PKD2L1: variants seen among roughly 807,000 people sequenced by gnomAD.
The protein encoded by PKD2L1 is polycystin 2 like 1, transient receptor potential cation channel.
In PKD2L1, 77 loss-of-function variants were observed where a neutral mutation model predicts 93.0. The observed-to-expected ratio is 0.83, with a 90% confidence interval of 0.69 to 1.00. The LOEUF (loss-of-function observed/expected upper bound fraction) is 1.00. PKD2L1 is among the 50% of genes least tolerant of loss of function. PKD2L1 has a pLI of 0.00. For synonymous variants in PKD2L1, 390 were observed against 388.0 expected, an observed-to-expected ratio of 1.01 and a Z score of -0.06; for missense variants, 977 against 990.9, an observed-to-expected ratio of 0.99 and a Z score of 0.19.
chr10:100,322,836 C>T (rs968159386), intron 2 of PKD2L1, among the ~76,000 whole-genome samples: 11 of 152,304 alleles, frequency 7.2e-5, no homozygotes, highest in Middle Eastern at 3.4e-3. Context: ...TTAAAAGCCT[C>T]GGGATTCAAA....
intron 9 of PKD2L1, among the ~76,000 whole-genome samples, 153 bp from the exon 10 acceptor site, chr10:100,293,532 C>A (rs575422654): frequency 6.6e-6 from 1 of 152,322 alleles, no homozygotes; most frequent in East Asian, 1.9e-4. Context: ...CTCTCAGGGT[C>A]CCCAGAGCCC....
chr10:100,294,861 C>T (rs1053015232), intron 8 of PKD2L1, 81 bp downstream of exon 8: 2 of 1,369,204 alleles, frequency 1.5e-6, no homozygotes, highest in South Asian at 1.3e-5. Context: ...CACGCACGTA[C>T]CCATCTTCCC....
intron 2 of PKD2L1, among the ~76,000 whole-genome samples, chr10:100,315,050 G>T (rs1849062146): frequency 8.3e-5 from 1 of 12,104 alleles, no homozygotes; most frequent in Non-Finnish European, 2.0e-4. Flanking sequence ...GGAAGGGAAG[G>T]GAAGGGAAGG....
intron 2 of PKD2L1, among the ~76,000 whole-genome samples, chr10:100,310,109 G>A (rs1848899865): frequency 6.6e-6 from 1 of 152,184 alleles, no homozygotes; most frequent in Admixed American, 6.5e-5. Context: ...CAAGGCGGGA[G>A]GATTGCTTGA....
rs369665377 is a variant in PKD2L1, at chr10:100,298,851, C to T, written c.478-36G>A. ...AGCTGGCTTGAACCTTACCCAGCCT[C>T]CTCCTGACCCCCTACCTTTAGAATG... is the stretch of plus-strand genomic sequence containing the variant. On this transcript the variant is annotated intron_variant, in intron 3 of 15. Transcript: ENST00000318222. 1.5e-5 allele frequency: 23 copies of T among 1,584,004 alleles called. No homozygotes were observed. In the Admixed American group the frequency reaches 1.9e-4, roughly 13 times the overall value.
chr10:100,289,776 C>T (rs1848362785), intron 14 of PKD2L1, among the ~76,000 whole-genome samples: 2 of 152,092 alleles, frequency 1.3e-5, no homozygotes, highest in African/African-American at 2.4e-5. Flanking sequence ...TATATCAGCC[C>T]AAACAGACTG....
chr10:100,305,326 C>T (rs1564887147), intron 2 of PKD2L1, among the ~76,000 whole-genome samples: 4 of 152,252 alleles, frequency 2.6e-5, no homozygotes, highest in Middle Eastern at 3.4e-3. Flanking sequence ...GTTGACCAGG[C>T]TGGTCTCGAA....
chr10:100,289,960 AG>A, intron 14 of PKD2L1, 54 bp downstream of exon 14: 1 of 1,608,034 alleles, frequency 6.2e-7, no homozygotes, highest in East Asian at 2.2e-5. Context: ...TGAGTGGAAA[AG>A]ATGGCAGAGT....
intron 2 of PKD2L1, among the ~76,000 whole-genome samples, chr10:100,314,972 AAGG>A (rs1849039576): frequency 8.7e-5 from 1 of 11,552 alleles, no homozygotes; most frequent in African/African-American, 3.0e-4. Flanking sequence ...AGAAGGAAGG[AAGG>A]AAGGAAGGAA....
intron 2 of PKD2L1, among the ~76,000 whole-genome samples, chr10:100,303,164 T>C (rs775283370): frequency 6.6e-6 from 1 of 152,036 alleles, no homozygotes; most frequent in Non-Finnish European, 1.5e-5. Context: ...TTGCAAATTT[T>C]CTTTAAGTCC....
Position 100,293,039 on chromosome 10 carries a change from G to T in PKD2L1, c.1789C>A (p.Leu597Met), listed in dbSNP as rs752343551. The change falls in exon 11 of 16, where the codon CTG becomes ATG. Residue 597 changes from leucine (L) to methionine (M), a missense_variant. Coordinates refer to ENST00000318222, the MANE Select transcript of PKD2L1 (RefSeq NM_016112.3). ...ACATCCGAAACCCTCTCCTTCCTCA[G>T]ACGCAGTCTTAGTAGGGTCTTGTTG... ...GYNKTLLRLR[L>M]RKERVSDVQK... 6.2e-7 allele frequency: 1 copy of T among 1,614,158 alleles called. No individual in the cohort carries two copies. The highest frequency in any genetic ancestry group is 1.1e-5 in the South Asian group (1 of 91,082).
intron 2 of PKD2L1, among the ~76,000 whole-genome samples, chr10:100,323,070 TTAA>T (rs1311191622): frequency 6.6e-6 from 1 of 152,186 alleles, no homozygotes; most frequent in African/African-American, 2.4e-5. Context: ...GTTTGTGCTG[TTAA>T]TAATGATGAT....
At chr10:100,320,970 A>C (rs187934165) in intron 2 of PKD2L1, among the ~76,000 whole-genome samples, 1 of 152,262 alleles carries the variant, frequency 6.6e-6, no homozygotes. Flanking sequence ...GCAGCTATAG[A>C]TACATTTACC....
At chr10:100,322,600 A>C (rs1430238413) in intron 2 of PKD2L1, among the ~76,000 whole-genome samples, 1 of 152,244 alleles carries the variant, frequency 6.6e-6, no homozygotes, top group African/African-American at 2.4e-5. Flanking sequence ...AAAATTCTTT[A>C]ATGTAGTGGT....
chr10:100,320,393 G>A (rs1323164417), intron 2 of PKD2L1, among the ~76,000 whole-genome samples: 1 of 152,212 alleles, frequency 6.6e-6, no homozygotes, highest in Admixed American at 6.5e-5. Context: ...AAGCATAAGG[G>A]AGAAGAAACA....
chr10:100,303,841 A>C (rs144450292), intron 2 of PKD2L1, among the ~76,000 whole-genome samples: 33 of 152,358 alleles, frequency 2.2e-4, no homozygotes, highest in Non-Finnish European at 4.9e-4. Context: ...GTTACAACTG[A>C]TAGCAAGCTG....
At chr10:100,320,948 G>GA (rs1474243536) in intron 2 of PKD2L1, among the ~76,000 whole-genome samples, 1 of 151,748 alleles carries the variant, frequency 6.6e-6, no homozygotes, top group Non-Finnish European at 1.5e-5. Flanking sequence ...AAAGAAGTGG[G>GA]AAAAAAAAGC....
At chr10:100,288,605 T>C in intron 15 of PKD2L1, 127 bp from the exon 16 acceptor site, 1 of 668,874 alleles carries the variant, frequency 1.5e-6, no homozygotes, top group Non-Finnish European at 2.7e-6. Flanking sequence ...GTTTCTACCT[T>C]TTTCACAGAC....
intron 2 of PKD2L1, among the ~76,000 whole-genome samples, chr10:100,307,352 G>C (rs1197544113): frequency 6.6e-6 from 1 of 152,182 alleles, no homozygotes; most frequent in Non-Finnish European, 1.5e-5. Flanking sequence ...ATCACTCCCA[G>C]AATTATCCCA....
Sources: allele counts gnomAD v4.1 joint callset (sites outside exome capture counted in the v4.1 genomes callset), GRCh38; gene constraint gnomAD v4.1.1; transcripts MANE v1.5; gene names NCBI Gene and HGNC (gene_info 2026-07-23, HGNC 2026-07-21).